The following WDFY3 variants were observed in gnomAD, a reference collection of about 807,000 sequenced individuals.
WDFY3 encodes the protein WD repeat and FYVE domain containing 3, also known as WD repeat and FYVE domain-containing protein 3.
In WDFY3, 66 loss-of-function variants were observed where a neutral mutation model predicts 409.6. The ratio of observed to expected loss-of-function variants is 0.16; its 90% CI spans 0.13 to 0.20. The LOEUF (loss-of-function observed/expected upper bound fraction) is 0.20. WDFY3 is among the 10% of genes least tolerant of loss of function. The pLI is 1.00. For synonymous variants in WDFY3, 1,521 were observed against 1,537.1 expected (o/e 0.99, Z 0.25); for missense variants, 3,031 against 4,298.1 (o/e 0.71, Z 8.24).
intron 53 of WDFY3, among the ~76,000 whole-genome samples, chr4:84,708,495 T>C (rs530107394): frequency 2.0e-5 from 3 of 152,194 alleles, no homozygotes. Context: ...ATTGAGAACA[T>C]TAAACTACAA....
Position 84,717,031 on chromosome 4 carries a change from G to A in WDFY3, c.7755-15C>T. 9.0e-6 allele frequency: 14 copies of A among 1,551,204 alleles called. No individual in the cohort carries two copies. The highest frequency in any genetic ancestry group is 1.2e-5 in the Non-Finnish European group (14 of 1,151,748). On this transcript the variant is annotated splice_polypyrimidine_tract_variant and intron_variant, in intron 48 of 67. Coordinates refer to ENST00000295888, the MANE Select transcript of WDFY3 (RefSeq NM_014991.6). ...GCTCATGCATACTACAGGCAGCCAA[G>A]AGAAAAAGCAAATAAAAACACAGCA...
intron 36 of WDFY3, 65 bp downstream of exon 36, chr4:84,751,418 G>A: frequency 4.7e-6 from 7 of 1,489,764 alleles, no homozygotes; most frequent in Non-Finnish European, 6.5e-6. Context: ...GAACTTGTTT[G>A]GTTACTAATG....
At chr4:84,768,162 C>T (rs1265734242) in intron 30 of WDFY3, among the ~76,000 whole-genome samples, 3 of 152,150 alleles carry the variant, frequency 2.0e-5, no homozygotes, top group African/African-American at 7.2e-5. Context: ...AGGAAAGAAG[C>T]CATCTCCATA....
intron 3 of WDFY3, among the ~76,000 whole-genome samples, chr4:84,870,137 C>T (rs1427120434): frequency 1.3e-5 from 2 of 152,086 alleles, no homozygotes; most frequent in East Asian, 3.8e-4. Context: ...ATAGGTAATT[C>T]ACGGTACATC....
At position 84,796,568 on chromosome 4, in the gene WDFY3, T is replaced by G. The variant is rs765866719; in HGVS notation, c.3120A>C (p.Ser1040=). The part of the protein sequence containing the change: ...TPHDIRLHGS[S]VTPAFVEFDT... ...CAAATTCAACAAAAGCTGGAGTAACTGATGACCCATGAAGTCTGATGTCAT... is the reference window on the plus strand; with the variant it reads ...CAAATTCAACAAAAGCTGGAGTAACGGATGACCCATGAAGTCTGATGTCAT... The change falls in exon 19 of 68, where the codon TCA becomes TCC. Residue 1040 remains serine, a synonymous_variant. Transcript: ENST00000295888. The G allele has an allele frequency of 6.2e-7, 1 of 1,609,058 alleles. No homozygotes were observed.
At chr4:84,790,575 A>C (rs1748346892) in intron 21 of WDFY3, among the ~76,000 whole-genome samples, 1 of 152,186 alleles carries the variant, frequency 6.6e-6, no homozygotes, top group South Asian at 2.1e-4. Flanking sequence ...CACTAAAAAG[A>C]GACTAGTTGA....
intron 27 of WDFY3, among the ~76,000 whole-genome samples, chr4:84,776,363 C>T (rs1009352494): frequency 1.3e-5 from 2 of 151,894 alleles, no homozygotes; most frequent in African/African-American, 2.4e-5. Context: ...TTATAGACTA[C>T]TTGTGGTTTG....
At chr4:84,909,983 G>A (rs1767549650) in intron 2 of WDFY3, among the ~76,000 whole-genome samples, 1 of 152,068 alleles carries the variant, frequency 6.6e-6, no homozygotes, top group African/African-American at 2.4e-5. Context: ...ACTATTAAAA[G>A]CAAAATTCAA....
rs1200697364 is a variant in WDFY3 at position 84,766,022 on chromosome 4, C to G, written c.4976G>C (p.Cys1659Ser). ...ACCCAGTGTCTTCACCAGTTCTTCACAAGCTCTATTCAAGACAGATGGATT... is the reference window on the plus strand; with the variant it reads ...ACCCAGTGTCTTCACCAGTTCTTCAGAAGCTCTATTCAAGACAGATGGATT... ...KEKTSINLQACEELVKTLGFD... is the reference protein window; with the variant it reads ...KEKTSINLQASEELVKTLGFD... Residue 1659 changes from cysteine (C) to serine (S), a missense_variant, in exon 32 of 68, where the codon TGT becomes TCT. Cys to Ser is a moderately radical substitution (Grantham distance 112, BLOSUM62 -1). Transcript: ENST00000295888. 1.2e-6 allele frequency: 2 copies of G among 1,613,878 alleles called. No homozygotes were observed. Among genetic ancestry groups the G allele is most frequent in the Non-Finnish European group, 1.7e-6 (2 of 1,179,860 alleles).
At chr4:84,688,754 G>A (rs932814847) in intron 61 of WDFY3, among the ~76,000 whole-genome samples, 3 of 152,146 alleles carry the variant, frequency 2.0e-5, no homozygotes, top group Non-Finnish European at 2.9e-5. Context: ...CCACATGGCT[G>A]TAGCACGTGG....
At chr4:84,849,315 G>A (rs1361010506) in intron 5 of WDFY3, among the ~76,000 whole-genome samples, 1 of 152,018 alleles carries the variant, frequency 6.6e-6, no homozygotes. Flanking sequence ...CACCCAGGAG[G>A]TTGAGAAGAA....
intron 10 of WDFY3, among the ~76,000 whole-genome samples, chr4:84,826,334 T>C (rs1466458885): frequency 1.3e-5 from 2 of 152,180 alleles, no homozygotes; most frequent in East Asian, 3.8e-4. Flanking sequence ...GGAAGACGTG[T>C]AGGTTATATG....
chr4:84,700,897 G>A (rs757488497), intron 56 of WDFY3, among the ~76,000 whole-genome samples: 1 of 152,166 alleles, frequency 6.6e-6, no homozygotes, highest in Non-Finnish European at 1.5e-5. Context: ...ATGACTTGAG[G>A]TCAGGAGTTC....
chr4:84,686,149 C>CA (rs923285916), intron 62 of WDFY3, among the ~76,000 whole-genome samples: 1 of 151,918 alleles, frequency 6.6e-6, no homozygotes, highest in Non-Finnish European at 1.5e-5. Context: ...ACTAAAAATA[C>CA]AAAAAAATCA....
intron 2 of WDFY3, among the ~76,000 whole-genome samples, chr4:84,923,891 C>T (rs781119610): frequency 2.6e-5 from 4 of 151,942 alleles, no homozygotes; most frequent in African/African-American, 7.3e-5. Context: ...ACCAGCTATT[C>T]GGGGAGGCTG....
chr4:84,917,929 T>C (rs1343117373), intron 2 of WDFY3, among the ~76,000 whole-genome samples: 1 of 152,134 alleles, frequency 6.6e-6, no homozygotes, highest in Non-Finnish European at 1.5e-5. Context: ...CCTATATATA[T>C]GGCTCTGATA....
intron 3 of WDFY3, among the ~76,000 whole-genome samples, chr4:84,866,002 T>C (rs954172841): frequency 9.9e-5 from 15 of 151,978 alleles, no homozygotes; most frequent in African/African-American, 3.6e-4. Context: ...TCTGGGGACA[T>C]AAAGGCTGCA....
At chr4:84,681,333 A>G (rs990503825) in intron 64 of WDFY3, among the ~76,000 whole-genome samples, 1 of 152,192 alleles carries the variant, frequency 6.6e-6, no homozygotes, top group East Asian at 1.9e-4. Flanking sequence ...CCCACTTTTC[A>G]TTGGTTCCCT....
intron 53 of WDFY3, among the ~76,000 whole-genome samples, chr4:84,706,044 A>G (rs1731885203): frequency 6.6e-6 from 1 of 152,166 alleles, no homozygotes; most frequent in Non-Finnish European, 1.5e-5. Context: ...CTAAAAGATA[A>G]CATCACACCA....
Sources: gnomAD v4.1 joint callset for allele counts (sites outside exome capture counted in the v4.1 genomes callset) on GRCh38, gnomAD v4.1.1 for gene constraint, MANE v1.5 for transcripts, NCBI Gene and HGNC (gene_info 2026-07-23, HGNC 2026-07-21) for gene names.